Variants in RASSF3 observed in about 807,000 individuals in gnomAD.
RASSF3 encodes Ras association domain family member 3.
RASSF3 carries 19 observed loss-of-function variants against 19.9 expected under a neutral mutation model. That is an observed-to-expected ratio of 0.96 (90% confidence interval 0.67 to 1.40). The LOEUF is 1.40. Ranked by LOEUF, RASSF3 falls within the 40% of genes most tolerant of loss-of-function variation. The probability of loss-of-function intolerance (pLI) is 0.00; values close to 1 mark genes in which losing one functional copy is unlikely to be tolerated. For missense variants in RASSF3, 306 were observed against 289.8 expected (o/e 1.06, Z -0.41); for synonymous variants, 110 against 104.2 (o/e 1.06, Z -0.34).
chr12:64,694,744 T>C lies in RASSF3; in HGVS notation c.568-19T>C. On this transcript the variant is annotated intron_variant, in intron 4 of 4. Coordinates refer to ENST00000542104, the MANE Select transcript of RASSF3 (RefSeq NM_178169.4). ...GAGTATTAAACATCTGGCATTTTTC[T>C]TTCTGTGTTTCCTGACAGTGGGAAG... 3 of 1,613,856 alleles carry C rather than the reference T, an allele frequency of 1.9e-6. No individual in the cohort carries two copies. Among genetic ancestry groups the C allele is most frequent in the Non-Finnish European group, 2.5e-6 (3 of 1,179,926 alleles).
At chr12:64,572,649 A>G (rs745635228) in intron 2 of RASSF3, among the ~76,000 whole-genome samples, 2 of 152,150 alleles carry the variant, frequency 1.3e-5, no homozygotes, top group Non-Finnish European at 2.9e-5. Flanking sequence ...GGCCCAATAA[A>G]TATTTACTAA....
At chr12:64,536,860 C>T (rs747396719) in intron 1 of RASSF3, among the ~76,000 whole-genome samples, 2 of 152,208 alleles carry the variant, frequency 1.3e-5, no homozygotes, top group African/African-American at 2.4e-5. Context: ...CAGGCAAGAT[C>T]CAGTCCTATT....
At chr12:64,542,387 G>C (rs1370608229), downstream of RASSF3, among the ~76,000 whole-genome samples, 1 of 152,128 alleles carries the variant, frequency 6.6e-6, no homozygotes, top group African/African-American at 2.4e-5. Context: ...AAATCTGTCA[G>C]GTTTTACTGG....
At chr12:64,645,207 C>G (rs961023428) in intron 1 of RASSF3, among the ~76,000 whole-genome samples, 1 of 152,066 alleles carries the variant, frequency 6.6e-6, no homozygotes, top group African/African-American at 2.4e-5. Context: ...TTTTGGCAAA[C>G]CATTATTAAG....
chr12:64,508,753 A>G (rs532637248), intron 1 of RASSF3, among the ~76,000 whole-genome samples: 84 of 151,812 alleles, frequency 5.5e-4, no homozygotes, highest in East Asian at 2.5e-3. Context: ...GTGTGGTAGC[A>G]CATGCCTGTA....
rs1188238001 is a variant in RASSF3 at position 64,684,427 on chromosome 12, G to GTTTT, written c.112-357_112-356insTTTT. 4.7e-3 allele frequency among the ~76,000 whole-genome samples: 280 copies of GTTTT among 59,000 alleles called. 3 individuals are homozygous for GTTTT. Among genetic ancestry groups the GTTTT allele is most frequent in the African/African-American group, 0.017 (268 of 15,444 alleles). The allele number at this position is 59,000 out of a possible 152,430, so 38.7% of individuals were successfully genotyped here. ...AAAATCCTGACTTATCTGTTTGTTT[G>GTTTT]TTTGTTTGTTTTTTTTTTTTGAGAC... On this transcript the variant is annotated intron_variant, in intron 1 of 4. Transcript: ENST00000542104.
At chr12:64,543,643 A>T (rs894129491), downstream of RASSF3, among the ~76,000 whole-genome samples, 5 of 145,934 alleles carry the variant, frequency 3.4e-5, no homozygotes, top group Non-Finnish European at 7.5e-5. Flanking sequence ...GTGCGGGCGC[A>T]CGGCGCGGGA....
chr12:64,568,442 T>C (rs545484115), intron 2 of RASSF3, among the ~76,000 whole-genome samples: 1 of 152,320 alleles, frequency 6.6e-6, no homozygotes, highest in East Asian at 1.9e-4. Context: ...ACAGAGGCCT[T>C]GATAAGGATC....
chr12:64,649,584 T>C (rs1038005274), intron 1 of RASSF3, among the ~76,000 whole-genome samples: 3 of 152,184 alleles, frequency 2.0e-5, no homozygotes, highest in African/African-American at 7.2e-5. Flanking sequence ...GGTCCTAGGG[T>C]ACCCGGTTAG....
downstream of RASSF3, among the ~76,000 whole-genome samples, chr12:64,543,437 C>CGCCGCT (rs1868982924): frequency 2.1e-5 from 1 of 46,584 alleles, no homozygotes; most frequent in Non-Finnish European, 4.1e-5. Flanking sequence ...CCGCCCGCCC[C>CGCCGCT]CCCCGTGCCC....
upstream of RASSF3, among the ~76,000 whole-genome samples, chr12:64,530,682 G>A (rs778975251): frequency 3.9e-5 from 6 of 152,044 alleles, no homozygotes; most frequent in African/African-American, 1.4e-4. Flanking sequence ...ATTCTCACCC[G>A]CAGCCTGTAA....
In RASSF3 at chr12:64,540,162, T is replaced by C. The variant is rs535982962; in HGVS notation, c.68-1419T>C. 6.6e-5 allele frequency among the ~76,000 whole-genome samples: 10 copies of C among 152,332 alleles called. No individual in the cohort carries two copies. In the South Asian group the frequency reaches 2.1e-3, roughly 32 times the overall value. On this transcript the variant is annotated intron_variant, in intron 1 of 1. Transcript: ENST00000636333. ...AGGCTAATGGCTTCATTTTAAGTAGTATCTGATGTGAAGTTTACAACTGAA... is the reference window on the plus strand; with the variant it reads ...AGGCTAATGGCTTCATTTTAAGTAGCATCTGATGTGAAGTTTACAACTGAA...
In RASSF3 at chr12:64,676,111, A is replaced by G. The variant is rs545210164; in HGVS notation, c.112-8676A>G. ...ACACTGTACTTTTAAGGACAAGAACAGCAGCACCAAACACCCCAGAAACAA... is the reference window on the plus strand; with the variant it reads ...ACACTGTACTTTTAAGGACAAGAACGGCAGCACCAAACACCCCAGAAACAA... On this transcript the variant is annotated intron_variant, in intron 1 of 4. Transcript: ENST00000542104. 2.0e-5 allele frequency among the ~76,000 whole-genome samples: 3 copies of G among 151,730 alleles called. No homozygotes were observed. The East Asian group carries it at 5.8e-4, about 29-fold the overall frequency.
chr12:64,508,243 C>T (rs530312040), intron 1 of RASSF3, among the ~76,000 whole-genome samples: 9 of 152,128 alleles, frequency 5.9e-5, no homozygotes, highest in East Asian at 5.8e-4. Context: ...GACTGGGCAC[C>T]GTGGCTCACA....
At position 64,582,051 on chromosome 12, in the gene RASSF3, C is replaced by T. The variant is rs370943978; in HGVS notation, c.294+40346C>T. Among the ~76,000 whole-genome samples, 35 of 151,972 alleles carry T rather than the reference C, an allele frequency of 2.3e-4. 1 individual carries two copies. The East Asian group carries it at 5.2e-3, about 23-fold the overall frequency. ...ACTCGGCCAATTTTTTAGAGAGATG[C>T]GGTTGCCCAGGTGGGGGTCTCAAAT... On this transcript the variant is annotated intron_variant, in intron 2 of 5. Coordinates refer to the RASSF3 transcript ENST00000637125.
chr12:64,627,117 A>G (rs1871023393), intron 1 of RASSF3, among the ~76,000 whole-genome samples: 1 of 152,222 alleles, frequency 6.6e-6, no homozygotes. Context: ...ACATAATTGT[A>G]AGTGTGGTAG....
intron 2 of RASSF3, among the ~76,000 whole-genome samples, chr12:64,587,617 GTCT>G (rs1191225461): frequency 6.6e-6 from 1 of 152,134 alleles, no homozygotes; most frequent in Non-Finnish European, 1.5e-5. Flanking sequence ...AGGTGTCGCC[GTCT>G]TCCTCTCTTT....
At chr12:64,600,155 T>C (rs975253076) in intron 2 of RASSF3, among the ~76,000 whole-genome samples, 1 of 151,542 alleles carries the variant, frequency 6.6e-6, no homozygotes, top group African/African-American at 2.4e-5. Flanking sequence ...ATCTCAGAAG[T>C]TAAAAAAACA....
intron 2 of RASSF3, among the ~76,000 whole-genome samples, chr12:64,563,389 C>G (rs528073099): frequency 5.3e-5 from 8 of 151,870 alleles, no homozygotes; most frequent in African/African-American, 1.9e-4. Flanking sequence ...AGGCTGGTCT[C>G]GATCTCCTGA....
Sources: gnomAD v4.1 joint callset for allele counts (sites outside exome capture counted in the v4.1 genomes callset) on GRCh38, gnomAD v4.1.1 for gene constraint, MANE v1.5 for transcripts, NCBI Gene and HGNC (gene_info 2026-07-23, HGNC 2026-07-21) for gene names.